The following RLN2 variants were observed in gnomAD, a reference collection of about 807,000 sequenced individuals.
The protein encoded by RLN2 is relaxin 2, also known as prorelaxin H2.
In RLN2, 10 loss-of-function variants were observed where a neutral mutation model predicts 7.3. That is an observed-to-expected ratio of 1.36 (90% confidence interval 0.84 to 2.31). The LOEUF is 2.31. Among genes scored for constraint, RLN2 ranks in the 30% most tolerant of loss-of-function variants. The probability of loss-of-function intolerance (pLI) is 0.00; values close to 1 mark genes in which losing one functional copy is unlikely to be tolerated. For missense variants in RLN2, 298 were observed against 217.6 expected (o/e 1.37, Z -2.32); for synonymous variants, 103 against 82.3 (o/e 1.25, Z -1.36).
the RLN2 span, among the ~76,000 whole-genome samples, chr9:5,321,600 A>AGGAGGGATGGAGG: frequency 1.3e-5 from 2 of 151,826 alleles, no homozygotes; most frequent in East Asian, 3.9e-4. Flanking sequence ...GCAGGAAGGA[A>AGGAGGGATGGAGG]GGAGGGATGG....
the RLN2 span, among the ~76,000 whole-genome samples, chr9:5,324,827 G>A: frequency 6.6e-6 from 1 of 152,016 alleles, no homozygotes; most frequent in South Asian, 2.1e-4. Flanking sequence ...TTCTCTTTGG[G>A]GTTCTATCCT....
At chr9:5,313,800 T>C in the RLN2 span, among the ~76,000 whole-genome samples, 31,211 of 151,786 alleles carry the variant, frequency 0.21, 3,473 homozygotes, top group African/African-American at 0.25. Flanking sequence ...AGTAAGCAAC[T>C]ACATTTAGAA....
the RLN2 span, among the ~76,000 whole-genome samples, chr9:5,330,637 CA>C: frequency 3.0e-3 from 225 of 74,732 alleles, 1 homozygote; most frequent in African/African-American, 1.0e-2. Flanking sequence ...GACTCCATCT[CA>C]AAAAAAAAAA....
chr9:5,330,776 A>T, the RLN2 span, among the ~76,000 whole-genome samples: 1 of 151,522 alleles, frequency 6.6e-6, no homozygotes, highest in South Asian at 2.1e-4. Context: ...CAAAAAAAAA[A>T]AAAAAACCTT....
At chr9:5,335,581 GA>G in the RLN2 span, 1 of 1,605,482 alleles carries the variant, frequency 6.2e-7, no homozygotes, top group Non-Finnish European at 8.5e-7. Context: ...CTTTGTTGAT[GA>G]AGGATGGTAC....
chr9:5,332,804 A>C, the RLN2 span, among the ~76,000 whole-genome samples: 4 of 151,830 alleles, frequency 2.6e-5, no homozygotes, highest in East Asian at 1.9e-4. Context: ...TTTAGTAGAA[A>C]CGGGGTTTCA....
At chr9:5,332,651 T>C in the RLN2 span, among the ~76,000 whole-genome samples, 1 of 151,366 alleles carries the variant, frequency 6.6e-6, no homozygotes, top group African/African-American at 2.4e-5. Flanking sequence ...ATACAGTGTT[T>C]CACTCTTGAT....
chr9:5,304,857 C>A, upstream of RLN2: 2 of 482,600 alleles, frequency 4.1e-6, no homozygotes, highest in Non-Finnish European at 7.5e-6. Flanking sequence ...CTGTCCTTGG[C>A]CCTTTTACAG....
chr9:5,305,347 CTG>C (rs1816222864), upstream of RLN2, among the ~76,000 whole-genome samples: 1 of 142,102 alleles, frequency 7.0e-6, no homozygotes, highest in South Asian at 2.3e-4. Flanking sequence ...TCTCTGGAGA[CTG>C]GAGAACATAC....
At chr9:5,321,165 G>A in the RLN2 span, among the ~76,000 whole-genome samples, 2 of 152,080 alleles carry the variant, frequency 1.3e-5, no homozygotes, top group African/African-American at 2.4e-5. Context: ...AAATTTTGAT[G>A]CTGGAAGCAA....
At chr9:5,319,998 T>G in the RLN2 span, among the ~76,000 whole-genome samples, 1 of 151,772 alleles carries the variant, frequency 6.6e-6, no homozygotes, top group African/African-American at 2.4e-5. Flanking sequence ...TTTTTTTTTT[T>G]TTTTTAAGAC....
At chr9:5,316,965 A>G in the RLN2 span, among the ~76,000 whole-genome samples, 2 of 152,082 alleles carry the variant, frequency 1.3e-5, no homozygotes, top group African/African-American at 2.4e-5. Flanking sequence ...TTTAAAGTCT[A>G]GAGTTGTTGT....
chr9:5,318,007 C>CGTGCGTGTGTGTGTGTGTGT, the RLN2 span, among the ~76,000 whole-genome samples: 1 of 147,948 alleles, frequency 6.8e-6, no homozygotes, highest in East Asian at 2.0e-4. Context: ...TGTGTGTGTG[C>CGTGCGTGTGTGTGTGTGTGT]GTGTGTGTGT....
At chr9:5,335,568 T>C in the RLN2 span, 3 of 1,610,370 alleles carry the variant, frequency 1.9e-6, no homozygotes, top group East Asian at 4.5e-5. Context: ...ATAGTTTCTG[T>C]ATCTTTGTTG....
At chr9:5,332,895 G>A in the RLN2 span, among the ~76,000 whole-genome samples, 4 of 151,894 alleles carry the variant, frequency 2.6e-5, no homozygotes, top group Non-Finnish European at 5.9e-5. Flanking sequence ...GGGATTTCAG[G>A]CATGAGCCAC....
the RLN2 span, among the ~76,000 whole-genome samples, chr9:5,328,342 T>C: frequency 1.4e-4 from 22 of 151,862 alleles, no homozygotes; most frequent in Non-Finnish European, 1.5e-5. Flanking sequence ...TGAAATAAAG[T>C]GAGAAGACAA....
At chr9:5,305,370 C>G (rs1586933039), upstream of RLN2, among the ~76,000 whole-genome samples, 1 of 131,850 alleles carries the variant, frequency 7.6e-6, no homozygotes, top group East Asian at 2.3e-4. Context: ...CACACACACA[C>G]ACACACACAC....
At chr9:5,331,673 G>T in the RLN2 span, among the ~76,000 whole-genome samples, 3 of 151,264 alleles carry the variant, frequency 2.0e-5, no homozygotes, top group Non-Finnish European at 4.4e-5. Flanking sequence ...CTAGGGGGGT[G>T]GGGGGCTGTG....
the RLN2 span, among the ~76,000 whole-genome samples, chr9:5,330,330 T>C: frequency 8.5e-4 from 129 of 152,074 alleles, 1 homozygote; most frequent in African/African-American, 2.7e-3. Context: ...ATTGACACTC[T>C]AACATCACAA....
Sources: gnomAD v4.1 joint callset for allele counts (sites outside exome capture counted in the v4.1 genomes callset) on GRCh38, gnomAD v4.1.1 for gene constraint, MANE v1.5 for transcripts, NCBI Gene and HGNC (gene_info 2026-07-23, HGNC 2026-07-21) for gene names.